Variants in WAS observed in about 807,000 individuals in gnomAD.
The protein encoded by WAS is actin nucleation-promoting factor WAS.
A neutral mutation model predicts 38.9 loss-of-function variants in WAS; 1 was observed. The ratio of observed to expected loss-of-function variants is 0.03; its 90% CI spans 0.01 to 0.12. The LOEUF is 0.12. WAS is among the 10% of genes least tolerant of loss of function. The pLI, the probability that WAS is intolerant of heterozygous loss-of-function variation, is 1.00. For synonymous variants in WAS, 182 were observed against 173.6 expected, an observed-to-expected ratio of 1.05 and a Z score of -0.38; for missense variants, 311 against 431.2, an observed-to-expected ratio of 0.72 and a Z score of 2.47.
At chrX:48,688,225 CAACGACAATCCAT>C (rs2062426136) in intron 8 of WAS, 62 bp from the exon 9 acceptor site, 1 of 1,160,266 alleles carries the variant, frequency 8.6e-7, no homozygotes, top group African/African-American at 1.8e-5. Flanking sequence ...GGGATGGACC[CAACGACAATCCAT>C]GTCGCTTGTC....
rs1557006508 is a variant in WAS, at chrX:48,685,641, A to G, written c.360+8A>G. ...CACACCTTCGCTGGAGATGTAAGTG[A>G]TCAACCAGCCCTCGGGCCTCACTTG... On this transcript the variant is annotated splice_region_variant and intron_variant, in intron 3 of 11. Transcript: ENST00000376701. 8.4e-7 allele frequency: 1 copy of G among 1,191,998 alleles called. No homozygotes were observed. The highest frequency in any genetic ancestry group is 2.3e-5 in the Admixed American group (1 of 44,146).
chrX:48,688,724 G>T lies in WAS; in HGVS notation c.996G>T (p.Val332=), dbSNP rs782578703. Residue 332 remains valine (V), a synonymous_variant, in exon 10 of 12, where the codon GTG becomes GTT. Transcript: ENST00000376701. ...GGNQLPRPPI[V]GGNKGRSGPL... ...ACCAGCTCCCCCGGCCCCCTATTGTGGGGGGTAACAAGGGTCGTTCTGGTC... is the reference window on the plus strand; with the variant it reads ...ACCAGCTCCCCCGGCCCCCTATTGTTGGGGGTAACAAGGGTCGTTCTGGTC... 1 of 1,178,420 alleles carries T rather than the reference G, an allele frequency of 8.5e-7. No homozygotes were observed. The highest frequency in any genetic ancestry group is 3.0e-5 in the East Asian group (1 of 33,482).
In WAS at chrX:48,689,663, G is replaced by T. The variant is rs1389964735; in HGVS notation, c.1453+229G>T. On this transcript the variant is annotated intron_variant, in intron 11 of 11. Coordinates refer to ENST00000376701, the MANE Select transcript of WAS (RefSeq NM_000377.3). The stretch of plus-strand genomic sequence containing the variant: ...AATATTAACATTAATGCCAGGGTGT[G>T]TCCACAATATTAATGTCATTCCCAC... 6 of 422,589 alleles carry T rather than the reference G, an allele frequency of 1.4e-5. No homozygotes were observed. The East Asian group carries it at 2.4e-4, about 17-fold the overall frequency. The allele number at this position is 422,589 out of a possible 1,213,427, so 34.8% of individuals were successfully genotyped here.
intron 11 of WAS, among the ~76,000 whole-genome samples, chrX:48,690,032 A>G (rs182012094): frequency 2.2e-4 from 24 of 111,333 alleles, no homozygotes; most frequent in African/African-American, 6.9e-4. Context: ...TGTGATGACA[A>G]TATTATGAAG....
Position 48,685,818 on chromosome X carries a change from A to T in WAS, c.445A>T (p.Asn149Tyr), listed in dbSNP as rs2147263992. 3 of 1,194,584 alleles carry T rather than the reference A, an allele frequency of 2.5e-6. No homozygotes were observed. The highest frequency in any genetic ancestry group is 3.4e-6 in the Non-Finnish European group (3 of 886,689). Residue 149 changes from asparagine (N) to tyrosine (Y), a missense_variant, in exon 4 of 12, where the codon AAT becomes TAT. Asn to Tyr is a moderately radical substitution (Grantham distance 143, BLOSUM62 -2). Transcript: ENST00000376701. ...ALVQEKIQKR[N>Y]QRQSGDRRQL... Reference sequence around the variant, plus strand: ...CGTGCAGGAGAAGATACAAAAAAGGAATCAGAGGCAAAGTGGAGGTGAGGA... The same window carrying T: ...CGTGCAGGAGAAGATACAAAAAAGGTATCAGAGGCAAAGTGGAGGTGAGGA...
rs2062428185 is a variant in WAS at position 48,688,702 on chromosome X, A to T, written c.974A>T (p.Gln325Leu). 1 of 1,184,299 alleles carries T rather than the reference A, an allele frequency of 8.4e-7. No homozygotes were observed. The highest frequency in any genetic ancestry group is 1.8e-5 in the African/African-American group (1 of 55,638). Residue 325 changes from glutamine to leucine, a missense_variant, in exon 10 of 12, where the codon CAG becomes CTG. Gln to Leu is a moderately radical substitution (Grantham distance 113). Around this residue, in one of 4 missense-constraint regions of WAS, gnomAD observed 74 missense variants for 131.2 expected, o/e 0.56. Coordinates refer to ENST00000376701, the MANE Select transcript of WAS (RefSeq NM_000377.3). ...PPPPPSRGGN[Q>L]LPRPPIVGGN... Reference sequence around the variant, plus strand: ...CCACCGCCATCTCGAGGAGGGAACCAGCTCCCCCGGCCCCCTATTGTGGGG... The same window carrying T: ...CCACCGCCATCTCGAGGAGGGAACCTGCTCCCCCGGCCCCCTATTGTGGGG...
chrX:48,680,810 C>T (rs782507066), upstream of WAS, among the ~76,000 whole-genome samples: 2 of 112,103 alleles, frequency 1.8e-5, no homozygotes, highest in African/African-American at 3.2e-5. Context: ...AGCTGCTGCT[C>T]TGCCTATGGA....
chrX:48,680,135 C>T (rs1557005608), upstream of WAS, among the ~76,000 whole-genome samples: 1 of 111,768 alleles, frequency 8.9e-6, no homozygotes, highest in African/African-American at 3.3e-5. Context: ...TGGACAACAC[C>T]TTTTGTTGGA....
chrX:48,684,157 T>A (rs2062411737), intron 1 of WAS, 126 bp from the exon 2 acceptor site: 1 of 1,123,924 alleles, frequency 8.9e-7, no homozygotes, highest in Non-Finnish European at 1.2e-6. Flanking sequence ...TCTACTTGCC[T>A]TCCCTCTGGC....
chrX:48,679,010 A>C (rs1348583584), upstream of WAS, among the ~76,000 whole-genome samples: 1 of 110,397 alleles, frequency 9.1e-6, no homozygotes, highest in African/African-American at 3.3e-5. Flanking sequence ...AAATAACAAA[A>C]ATGTGCTTTA....
Position 48,685,553 on chromosome X carries a change from C to T in WAS, c.280C>T (p.Arg94Trp), listed in dbSNP as rs782716215. ...CCACCCTACACCTCTCCAGGCTGGT[C>T]GGCTGCTCTGGGAACAGGAGCTGTA... ...FIRLYGLQAG[R>W]LLWEQELYSQ... Residue 94 changes from arginine (R) to tryptophan (W), a missense_variant, in exon 3 of 12, where the codon CGG becomes TGG. Physicochemically the swap from Arg to Trp is moderately radical, Grantham distance 101 (BLOSUM62 -3). Around this residue, in one of 4 missense-constraint regions of WAS, gnomAD observed 64 missense variants for 122.5 expected, o/e 0.52. Transcript: ENST00000376701. The T allele has an allele frequency of 1.7e-6, 2 of 1,196,354 alleles. No individual in the cohort carries two copies. Among genetic ancestry groups the T allele is most frequent in the Non-Finnish European group, 2.3e-6 (2 of 887,899 alleles).
Position 48,686,147 on chromosome X carries a change from T to G in WAS, c.559+13T>G. 1 of 1,211,352 alleles carries G rather than the reference T, an allele frequency of 8.3e-7. No homozygotes were observed. The highest frequency in any genetic ancestry group is 2.2e-5 in the Admixed American group (1 of 46,056). On this transcript the variant is annotated intron_variant, in intron 6 of 11. Coordinates refer to ENST00000376701, the MANE Select transcript of WAS (RefSeq NM_000377.3). ...GGAGACCAAGGAGGTGCGTGCTGAT[T>G]CTTCCCTGTGTCTCTGGATGGATGG...
At chrX:48,676,766 GC>G (rs1377866126) in intron 1 of WAS, 1 of 112,609 alleles carries the variant, frequency 8.9e-6, no homozygotes, top group Non-Finnish European at 1.9e-5. Context: ...CGGGTTGGCC[GC>G]CCCTCCCCAG....
chrX:48,686,305 G>A (rs782615103), intron 6 of WAS, among the ~76,000 whole-genome samples, 171 bp downstream of exon 6: 11 of 111,493 alleles, frequency 9.9e-5, no homozygotes, highest in South Asian at 3.7e-4. Context: ...ATGGATTGGC[G>A]GTAGATGGCT....
At chrX:48,684,165 G>A (rs1210551092) in intron 1 of WAS, 118 bp from the exon 2 acceptor site, 2 of 1,141,333 alleles carry the variant, frequency 1.8e-6, no homozygotes, top group Non-Finnish European at 2.4e-6. Flanking sequence ...CCTTCCCTCT[G>A]GCTGCAGCTC....
chrX:48,677,516 T>C (rs1463878301), intron 1 of WAS, among the ~76,000 whole-genome samples: 21 of 112,113 alleles, frequency 1.9e-4, no homozygotes, highest in African/African-American at 6.2e-4. Flanking sequence ...ACTATTATCA[T>C]CTTCGCGTTC....
upstream of WAS, among the ~76,000 whole-genome samples, chrX:48,682,650 T>G (rs1457037853): frequency 9.0e-6 from 1 of 111,696 alleles, no homozygotes; most frequent in Non-Finnish European, 1.9e-5. Context: ...ATTCTAATAC[T>G]TTGGGAGGCC....
At chrX:48,683,701 G>T, upstream of WAS, 1 of 822,074 alleles carries the variant, frequency 1.2e-6, no homozygotes. Context: ...GCCTAACGAG[G>T]AGGCCAGGCC....
chrX:48,688,229 G>A lies in WAS; in HGVS notation c.778-71G>A, dbSNP rs886524334. On this transcript the variant is annotated intron_variant, in intron 8 of 11. Coordinates refer to ENST00000376701, the MANE Select transcript of WAS (RefSeq NM_000377.3). ...GATCCCTTGCTGGGATGGACCCAAC[G>A]ACAATCCATGTCGCTTGTCTCCTCG... The A allele has an allele frequency of 3.1e-5, 36 of 1,164,132 alleles. No homozygotes were observed. In the Middle Eastern group the frequency reaches 9.3e-4, roughly 30 times the overall value.
Sources: gnomAD v4.1 joint callset for allele counts (sites outside exome capture counted in the v4.1 genomes callset) on GRCh38, gnomAD v4.1.1 for gene constraint, gnomAD v4.1.1 regional missense constraint, MANE v1.5 for transcripts, NCBI Gene and HGNC (gene_info 2026-07-23, HGNC 2026-07-21) for gene names.